Variants in THSD4 observed in about 807,000 individuals in gnomAD.
THSD4 encodes the protein thrombospondin type 1 domain containing 4.
In THSD4, 69 loss-of-function variants were observed where a neutral mutation model predicts 119.0. The ratio of observed to expected loss-of-function variants is 0.58; its 90% CI spans 0.48 to 0.71. THSD4 has a LOEUF of 0.71. Among genes scored for constraint, THSD4 ranks in the 30% least tolerant of loss-of-function variants. The probability of loss-of-function intolerance (pLI) is 0.00; values close to 1 mark genes in which losing one functional copy is unlikely to be tolerated. For synonymous variants in THSD4, 524 were observed against 540.4 expected, an observed-to-expected ratio of 0.97 and a Z score of 0.42; for missense variants, 1,393 against 1,391.1, an observed-to-expected ratio of 1.00 and a Z score of -0.02.
At chr15:71,544,184 T>C (rs2048802815) in intron 7 of THSD4, among the ~76,000 whole-genome samples, 1 of 152,112 alleles carries the variant, frequency 6.6e-6, no homozygotes, top group Admixed American at 6.6e-5. Context: ...TCCAGAGCAA[T>C]GGTAACAAGG....
At chr15:71,383,963 T>C (rs1347658344) in intron 6 of THSD4, among the ~76,000 whole-genome samples, 1 of 152,206 alleles carries the variant, frequency 6.6e-6, no homozygotes, top group African/African-American at 2.4e-5. Context: ...CCTGTGGATA[T>C]TGAGGAATGA....
At chr15:71,640,937 A>C (rs2050845141) in intron 7 of THSD4, among the ~76,000 whole-genome samples, 1 of 151,974 alleles carries the variant, frequency 6.6e-6, no homozygotes, top group Non-Finnish European at 1.5e-5. Flanking sequence ...TAATATAACA[A>C]GTCACCTGAT....
chr15:71,394,062 A>G (rs2046412089), intron 6 of THSD4, among the ~76,000 whole-genome samples: 1 of 146,430 alleles, frequency 6.8e-6, no homozygotes, highest in African/African-American at 2.5e-5. Flanking sequence ...TTAAATGTGA[A>G]TATCAGATAC....
intron 7 of THSD4, among the ~76,000 whole-genome samples, chr15:71,557,313 T>C (rs2140873058): frequency 6.6e-6 from 1 of 152,294 alleles, no homozygotes; most frequent in South Asian, 2.1e-4. Flanking sequence ...TATCCTTGCA[T>C]TCCATGGATA....
intron 3 of THSD4, among the ~76,000 whole-genome samples, chr15:71,202,766 C>G (rs1413920690): frequency 6.6e-6 from 1 of 151,990 alleles, no homozygotes; most frequent in Admixed American, 6.6e-5. Flanking sequence ...GCAACCCCAG[C>G]TAGAGAAGCC....
At chr15:71,575,642 CTGTAGTTACG>C in intron 7 of THSD4, among the ~76,000 whole-genome samples, 1 of 152,238 alleles carries the variant, frequency 6.6e-6, no homozygotes, top group South Asian at 2.1e-4. Context: ...TTTGGAAAGC[CTGTAGTTACG>C]TGTATTACCA....
intron 7 of THSD4, among the ~76,000 whole-genome samples, chr15:71,483,810 A>G (rs1016844769): frequency 2.3e-5 from 3 of 131,456 alleles, no homozygotes; most frequent in African/African-American, 8.8e-5. Context: ...ATGTGTTCTC[A>G]TTGTTCAGCT....
chr15:71,582,444 T>G (rs2140850659), intron 7 of THSD4, among the ~76,000 whole-genome samples: 1 of 152,280 alleles, frequency 6.6e-6, no homozygotes, highest in East Asian at 1.9e-4. Context: ...CAGTTTGATT[T>G]TTTTCCTTTC....
intron 7 of THSD4, among the ~76,000 whole-genome samples, chr15:71,560,217 G>C (rs749398472): frequency 1.9e-4 from 29 of 152,214 alleles, no homozygotes; most frequent in Non-Finnish European, 2.9e-4. Flanking sequence ...TGATGTAAAA[G>C]ACAGAGTGGT....
At chr15:71,472,963 T>C (rs2047603305) in intron 7 of THSD4, among the ~76,000 whole-genome samples, 1 of 152,116 alleles carries the variant, frequency 6.6e-6, no homozygotes, top group South Asian at 2.1e-4. Flanking sequence ...ATGCTGTTAA[T>C]GGTGAGATCT....
At chr15:71,606,609 C>T (rs575354045) in intron 7 of THSD4, among the ~76,000 whole-genome samples, 30 of 152,272 alleles carry the variant, frequency 2.0e-4, no homozygotes, top group African/African-American at 6.7e-4. Context: ...GGCATGATCT[C>T]GGCTCACCGC....
chr15:71,285,129 T>C (rs1244456640), intron 6 of THSD4, among the ~76,000 whole-genome samples: 2 of 152,202 alleles, frequency 1.3e-5, no homozygotes, highest in Non-Finnish European at 2.9e-5. Flanking sequence ...ATTCTTACTA[T>C]GAATGGAATG....
At chr15:71,279,370 C>T (rs2044626425) in intron 6 of THSD4, among the ~76,000 whole-genome samples, 1 of 150,262 alleles carries the variant, frequency 6.7e-6, no homozygotes, top group African/African-American at 2.5e-5. Flanking sequence ...ATGCCTGGTC[C>T]TACACCCAGT....
chr15:71,346,055 GT>G (rs1329817701), intron 6 of THSD4, among the ~76,000 whole-genome samples: 3 of 152,152 alleles, frequency 2.0e-5, no homozygotes, highest in African/African-American at 7.2e-5. Context: ...GTTGTCCTGA[GT>G]GTCCCAATAA....
At chr15:71,466,626 A>G (rs1451982746) in intron 7 of THSD4, among the ~76,000 whole-genome samples, 1 of 152,120 alleles carries the variant, frequency 6.6e-6, no homozygotes, top group East Asian at 1.9e-4. Flanking sequence ...ATCCCTTGGT[A>G]GAAGCCTCCA....
intron 6 of THSD4, among the ~76,000 whole-genome samples, chr15:71,330,556 A>G (rs893500130): frequency 2.6e-5 from 4 of 152,168 alleles, no homozygotes; most frequent in African/African-American, 9.7e-5. Context: ...AATGGAAGTA[A>G]TAACAATAGT....
chr15:71,170,811 T>G (rs146654273), intron 3 of THSD4, among the ~76,000 whole-genome samples: 83 of 152,270 alleles, frequency 5.5e-4, no homozygotes, highest in African/African-American at 2.0e-3. Context: ...ATTCCATATA[T>G]TCATAAAGTT....
intron 17 of THSD4, among the ~76,000 whole-genome samples, chr15:71,775,071 G>A (rs1161813033): frequency 6.6e-6 from 1 of 151,958 alleles, no homozygotes; most frequent in Non-Finnish European, 1.5e-5. Context: ...GCTTGAACCC[G>A]GGAGGCGGAG....
chr15:71,330,021 G>A (rs899962675), intron 6 of THSD4, among the ~76,000 whole-genome samples: 3 of 151,920 alleles, frequency 2.0e-5, no homozygotes, highest in South Asian at 4.2e-4. Flanking sequence ...TCGAGGCTGC[G>A]GTGAGCTGTG....
Sources: allele counts gnomAD v4.1 joint callset (sites outside exome capture counted in the v4.1 genomes callset), GRCh38; gene constraint gnomAD v4.1.1; transcripts MANE v1.5; gene names NCBI Gene and HGNC (gene_info 2026-07-23, HGNC 2026-07-21).